The following SCAI variants were observed in gnomAD, a reference collection of about 807,000 sequenced individuals.
SCAI encodes protein SCAI.
SCAI carries 24 observed loss-of-function variants against 92.2 expected under a neutral mutation model. That is an observed-to-expected ratio of 0.26 (90% CI 0.19 to 0.37). The LOEUF (loss-of-function observed/expected upper bound fraction) is 0.37, where lower values mean the gene tolerates loss of function less well. Ranked by LOEUF, SCAI falls within the 10% of genes least tolerant of loss-of-function variation. SCAI has a pLI of 1.00. For missense variants in SCAI, 450 were observed against 736.2 expected, an observed-to-expected ratio of 0.61 and a Z score of 4.50; for synonymous variants, 261 against 258.6, an observed-to-expected ratio of 1.01 and a Z score of -0.09.
At chr9:124,966,973 C>G (rs1831554087) in intron 17 of SCAI, among the ~76,000 whole-genome samples, 1 of 150,738 alleles carries the variant, frequency 6.6e-6, no homozygotes, top group Middle Eastern at 3.4e-3. Flanking sequence ...ATTGGAAAAG[C>G]CTTTGCTACA....
intron 3 of SCAI, among the ~76,000 whole-genome samples, chr9:125,039,220 A>G (rs1833264481): frequency 6.6e-6 from 1 of 152,012 alleles, no homozygotes; most frequent in African/African-American, 2.4e-5. Flanking sequence ...CTCCATCTCT[A>G]CTAAAAATAC....
chr9:124,974,926 T>A (rs1265179444), intron 15 of SCAI, among the ~76,000 whole-genome samples: 2 of 152,198 alleles, frequency 1.3e-5, no homozygotes, highest in Admixed American at 1.3e-4. Flanking sequence ...TCAAATTCAG[T>A]CAGTTTGCCT....
intron 2 of SCAI, among the ~76,000 whole-genome samples, chr9:125,115,569 T>TA (rs1340892095): frequency 1.3e-5 from 2 of 151,940 alleles, no homozygotes; most frequent in African/African-American, 4.8e-5. Flanking sequence ...CACAAATGAA[T>TA]CTCAAACTCC....
At chr9:125,065,653 A>T (rs1833856336) in intron 2 of SCAI, among the ~76,000 whole-genome samples, 1 of 152,234 alleles carries the variant, frequency 6.6e-6, no homozygotes, top group African/African-American at 2.4e-5. Flanking sequence ...ATTACAGGCC[A>T]TTCTCACTAA....
intron 2 of SCAI, among the ~76,000 whole-genome samples, chr9:125,098,564 A>C (rs1034773940): frequency 6.6e-6 from 1 of 152,218 alleles, no homozygotes. Flanking sequence ...GGAACTGTTC[A>C]ATGTTACATA....
At chr9:125,086,025 T>C (rs990012673) in intron 2 of SCAI, among the ~76,000 whole-genome samples, 1 of 152,196 alleles carries the variant, frequency 6.6e-6, no homozygotes, top group African/African-American at 2.4e-5. Context: ...TTAAAAGTTA[T>C]TAAACTGACT....
chr9:125,017,206 T>C (rs889830979), intron 9 of SCAI, among the ~76,000 whole-genome samples: 1 of 152,226 alleles, frequency 6.6e-6, no homozygotes, highest in South Asian at 2.1e-4. Context: ...TATTTCTACA[T>C]AGTATGAAAT....
At position 125,143,369 on chromosome 9, in the gene SCAI, C is replaced by A; in HGVS notation, c.53+16G>T. On this transcript the variant is annotated intron_variant, in intron 1 of 17. Transcript: ENST00000336505. ...CCACCCCATCCCCAACCCCGGCCTC[C>A]ACCCAGCCCCCGCACCTGGGGGCCA... 1 of 1,340,586 alleles carries A rather than the reference C, an allele frequency of 7.5e-7. No homozygotes were observed. 83.0% of individuals were successfully genotyped at this position (1,340,586 alleles called of 1,614,324 possible). A position where few individuals can be genotyped will look rare whatever the true frequency, so the allele number is the denominator to read the frequency against.
intron 13 of SCAI, among the ~76,000 whole-genome samples, 168 bp from the exon 14 acceptor site, chr9:124,995,183 A>G (rs918460909): frequency 6.6e-6 from 1 of 152,116 alleles, no homozygotes; most frequent in African/African-American, 2.4e-5. Flanking sequence ...GATAGCCAAG[A>G]TAGTTCTATT....
At chr9:125,081,064 C>G (rs1208894637) in intron 2 of SCAI, among the ~76,000 whole-genome samples, 1 of 152,202 alleles carries the variant, frequency 6.6e-6, no homozygotes, top group Non-Finnish European at 1.5e-5. Flanking sequence ...GAGGCCTCCC[C>G]AGCCACATGG....
intron 2 of SCAI, among the ~76,000 whole-genome samples, chr9:125,060,512 T>C (rs773946123): frequency 5.3e-5 from 8 of 152,212 alleles, no homozygotes; most frequent in Non-Finnish European, 1.0e-4. Context: ...GCTAGTGATA[T>C]GGTTTGGCCC....
At chr9:125,106,837 T>C (rs1271875881) in intron 2 of SCAI, among the ~76,000 whole-genome samples, 1 of 147,524 alleles carries the variant, frequency 6.8e-6, no homozygotes, top group Non-Finnish European at 1.5e-5. Context: ...GCCTCCCAAG[T>C]AGCTAGACAT....
intron 6 of SCAI, 60 bp downstream of exon 6, chr9:125,026,752 T>A (rs1200200124): frequency 1.1e-6 from 1 of 871,906 alleles, no homozygotes; most frequent in Non-Finnish European, 1.8e-6. Flanking sequence ...ACACAATTTC[T>A]ACGAAGATTA....
chr9:125,077,567 T>C (rs1311066906), intron 2 of SCAI, among the ~76,000 whole-genome samples: 2 of 152,238 alleles, frequency 1.3e-5, no homozygotes, highest in Non-Finnish European at 2.9e-5. Context: ...CATGCAGCAA[T>C]GTATGAAGTA....
At chr9:125,103,302 T>C (rs924320091) in intron 2 of SCAI, among the ~76,000 whole-genome samples, 4 of 152,194 alleles carry the variant, frequency 2.6e-5, no homozygotes, top group East Asian at 3.8e-4. Flanking sequence ...AGGTAGTCCT[T>C]TGAGGATGAT....
At position 124,949,131 on chromosome 9, in the gene SCAI, A is replaced by C. The variant is rs1250189321; in HGVS notation, c.*3676T>G. 1.3e-5 allele frequency: 2 copies of C among 152,312 alleles called. No individual in the cohort carries two copies. The highest frequency in any genetic ancestry group is 4.8e-5 in the African/African-American group (2 of 41,432). The allele number at this position is 152,312 out of a possible 1,614,324, so 9.4% of individuals were successfully genotyped here. ...CCCAGCACTTTGGGAGGCCGAGGCC[A>C]ACGGATCACCTCAAATCAGGAGTTC... is the stretch of plus-strand genomic sequence containing the variant. On this transcript the variant is annotated 3_prime_UTR_variant, in exon 18 of 18. Coordinates refer to ENST00000336505, the MANE Select transcript of SCAI (RefSeq NM_001144877.3). This position sits in a 1 kb window ranked among gnomAD's most constrained non-coding sequence, Gnocchi z 4.0.
At chr9:125,002,499 T>TTTTTTTTTTTTTTTTTTTTG (rs1554779235) in intron 11 of SCAI, among the ~76,000 whole-genome samples, 1 of 147,220 alleles carries the variant, frequency 6.8e-6, no homozygotes, top group African/African-American at 2.6e-5. Flanking sequence ...TTTTTTTTTT[T>TTTTTTTTTTTTTTTTTTTTG]GAAACAGAGT....
intron 2 of SCAI, among the ~76,000 whole-genome samples, chr9:125,115,370 C>CAA (rs58814200): frequency 0.058 from 2,989 of 51,442 alleles, 262 homozygotes; most frequent in East Asian, 0.3. Context: ...AGACTCTCCT[C>CAA]AAAAAAAAAA....
intron 3 of SCAI, among the ~76,000 whole-genome samples, chr9:125,039,109 C>T (rs1461068463): frequency 3.3e-5 from 5 of 152,154 alleles, no homozygotes; most frequent in South Asian, 2.1e-4. Context: ...AATCTGGGGC[C>T]GGGTGCAGTG....
Sources: allele counts gnomAD v4.1 joint callset (sites outside exome capture counted in the v4.1 genomes callset), GRCh38; gene constraint gnomAD v4.1.1; non-coding constraint Gnocchi (gnomAD v3.1); transcripts MANE v1.5; gene names NCBI Gene and HGNC (gene_info 2026-07-23, HGNC 2026-07-21).